CNTNAP5: variants seen among roughly 807,000 people sequenced by gnomAD.
CNTNAP5 encodes contactin associated protein family member 5, also known as contactin-associated protein-like 5.
A neutral mutation model predicts 150.2 loss-of-function variants in CNTNAP5; 72 were observed. The ratio of observed to expected loss-of-function variants is 0.48; its 90% CI spans 0.40 to 0.58. CNTNAP5 has a LOEUF of 0.58. CNTNAP5 is among the 20% of genes least tolerant of loss of function. The probability of loss-of-function intolerance (pLI) is 0.00; values close to 1 mark genes in which losing one functional copy is unlikely to be tolerated. For missense variants in CNTNAP5, 1,636 were observed against 1,626.2 expected (o/e 1.01, Z -0.10); for synonymous variants, 672 against 619.8 (o/e 1.08, Z -1.25).
chr2:124,554,848 A>G (rs1401316669), intron 10 of CNTNAP5, among the ~76,000 whole-genome samples: 2 of 152,240 alleles, frequency 1.3e-5, no homozygotes, highest in African/African-American at 4.8e-5. Context: ...TACAAGAGAC[A>G]CAAACTAGAG....
chr2:124,684,312 G>A (rs1002580343), intron 13 of CNTNAP5, among the ~76,000 whole-genome samples: 1 of 152,182 alleles, frequency 6.6e-6, no homozygotes, highest in African/African-American at 2.4e-5. Context: ...CCAGAGCTAG[G>A]AATCATGCTT....
At chr2:124,485,712 C>T (rs961596992) in intron 7 of CNTNAP5, among the ~76,000 whole-genome samples, 7 of 151,726 alleles carry the variant, frequency 4.6e-5, no homozygotes, top group African/African-American at 1.5e-4. Flanking sequence ...GTCCCAGCTT[C>T]CTGCAGAAGC....
intron 7 of CNTNAP5, among the ~76,000 whole-genome samples, chr2:124,500,792 A>G (rs1211729893): frequency 2.0e-5 from 3 of 152,136 alleles, no homozygotes; most frequent in Non-Finnish European, 4.4e-5. Flanking sequence ...AGGGGCATGT[A>G]TGACAGTGAA....
At chr2:124,496,132 A>G (rs887885167) in intron 7 of CNTNAP5, among the ~76,000 whole-genome samples, 2 of 151,934 alleles carry the variant, frequency 1.3e-5, no homozygotes, top group Admixed American at 1.3e-4. Context: ...GAGAACTGCT[A>G]AATAGAGAAC....
At chr2:124,152,292 C>G (rs1456364938) in intron 1 of CNTNAP5, among the ~76,000 whole-genome samples, 4 of 152,176 alleles carry the variant, frequency 2.6e-5, no homozygotes, top group African/African-American at 9.7e-5. Context: ...TAAATGCATA[C>G]TATATGCTAG....
chr2:124,428,977 C>T (rs532824575), intron 4 of CNTNAP5, among the ~76,000 whole-genome samples: 27 of 152,112 alleles, frequency 1.8e-4, no homozygotes, highest in African/African-American at 6.5e-4. Flanking sequence ...TTCTTTTTTT[C>T]CTTTTAAAAG....
intron 1 of CNTNAP5, among the ~76,000 whole-genome samples, chr2:124,179,411 T>C (rs62163927): frequency 0.22 from 34,085 of 152,008 alleles, 4,083 homozygotes; most frequent in African/African-American, 0.3. Context: ...CTGCCCGCCT[T>C]GACCTCTTAA....
chr2:124,194,055 C>G (rs1405818581), intron 1 of CNTNAP5, among the ~76,000 whole-genome samples: 1 of 152,086 alleles, frequency 6.6e-6, no homozygotes, highest in Non-Finnish European at 1.5e-5. Context: ...GTTCGCTGCA[C>G]ACAGCTCTGA....
Position 124,914,590 on chromosome 2 carries a change from C to T in CNTNAP5, c.*302C>T, listed in dbSNP as rs1438338847. The T allele has an allele frequency of 8.2e-6, 2 of 243,200 alleles. No individual in the cohort carries two copies. Among genetic ancestry groups the T allele is most frequent in the East Asian group, 9.1e-5 (1 of 10,948 alleles). The allele number at this position is 243,200 out of a possible 1,614,324, so 15.1% of individuals were successfully genotyped here. On this transcript the variant is annotated 3_prime_UTR_variant, in exon 24 of 24. Transcript: ENST00000682447. ...GCACTCCTGCATGTTCAGTTCTGTA[C>T]TTCCAGTTTCTAAAATGCACTGTTC...
Position 124,531,082 on chromosome 2 carries a change from G to A in CNTNAP5, c.1649+3626G>A, listed in dbSNP as rs114182507. ...CCATAATGCAAAGTCAGTGGGAGCC[G>A]TGAGCTTGTTTTCCTGCAACTAGAT... On this transcript the variant is annotated intron_variant, in intron 10 of 23. Coordinates refer to ENST00000682447, the MANE Select transcript of CNTNAP5 (RefSeq NM_001367498.1). Among the ~76,000 whole-genome samples the A allele has an allele frequency of 3.9e-3, 597 of 152,006 alleles. 3 individuals are homozygous for A. Among genetic ancestry groups the A allele is most frequent in the African/African-American group, 0.014 (565 of 41,442 alleles).
At chr2:124,293,791 G>A (rs1001912458) in intron 3 of CNTNAP5, among the ~76,000 whole-genome samples, 4 of 151,708 alleles carry the variant, frequency 2.6e-5, no homozygotes, top group South Asian at 4.2e-4. Flanking sequence ...TAAAACACCC[G>A]AGGACAGCAA....
chr2:124,282,566 T>C (rs1488433095), intron 3 of CNTNAP5, among the ~76,000 whole-genome samples: 1 of 152,100 alleles, frequency 6.6e-6, no homozygotes, highest in Non-Finnish European at 1.5e-5. Context: ...TTTATTAATG[T>C]ATGTAGTTTA....
chr2:124,460,196 A>G (rs1165712668), intron 6 of CNTNAP5, among the ~76,000 whole-genome samples: 1 of 152,234 alleles, frequency 6.6e-6, no homozygotes, highest in African/African-American at 2.4e-5. Flanking sequence ...ATATAGGCAT[A>G]GAAATTTCTG....
intron 5 of CNTNAP5, among the ~76,000 whole-genome samples, chr2:124,441,425 C>T (rs780948416): frequency 1.6e-4 from 24 of 151,670 alleles, no homozygotes; most frequent in African/African-American, 2.7e-4. Flanking sequence ...CAGTTTTATC[C>T]GCACATAGTG....
intron 2 of CNTNAP5, among the ~76,000 whole-genome samples, chr2:124,228,373 C>T (rs991781972): frequency 6.6e-6 from 1 of 152,052 alleles, no homozygotes; most frequent in Admixed American, 6.6e-5. Context: ...CCATAAACAC[C>T]CTCACAGATA....
At chr2:124,626,516 G>GTGCTACCTGCCAAGGGTACTA (rs1263418915) in intron 12 of CNTNAP5, among the ~76,000 whole-genome samples, 3 of 152,120 alleles carry the variant, frequency 2.0e-5, no homozygotes, top group African/African-American at 7.2e-5. Context: ...GTGAGGGACT[G>GTGCTACCTGCCAAGGGTACTA]TGCTACCTGC....
In CNTNAP5 at chr2:124,233,625, T is replaced by A. The variant is rs535446837; in HGVS notation, c.188-8575T>A. ...GAGAATAATCAACCATGTCTATAAA[T>A]CTTCATTCTATCCCTTTCTCTCTCC... On this transcript the variant is annotated intron_variant, in intron 2 of 23. Transcript: ENST00000682447. Among the ~76,000 whole-genome samples, 4 of 152,156 alleles carry A rather than the reference T, an allele frequency of 2.6e-5. No homozygotes were observed. In the East Asian group the frequency reaches 7.8e-4, roughly 29 times the overall value.
chr2:124,429,215 G>C (rs115399366), intron 4 of CNTNAP5, among the ~76,000 whole-genome samples: 1 of 152,244 alleles, frequency 6.6e-6, no homozygotes, highest in East Asian at 1.9e-4. Flanking sequence ...GAAGTTGGGA[G>C]TGCTGAGTAT....
chr2:124,199,606 G>A (rs560040891), intron 1 of CNTNAP5, among the ~76,000 whole-genome samples: 2 of 151,732 alleles, frequency 1.3e-5, no homozygotes, highest in South Asian at 4.2e-4. Flanking sequence ...GTAGAGACGG[G>A]GTTTCTCCAT....
Sources: gnomAD v4.1 joint callset for allele counts (sites outside exome capture counted in the v4.1 genomes callset) on GRCh38, gnomAD v4.1.1 for gene constraint, MANE v1.5 for transcripts, NCBI Gene and HGNC (gene_info 2026-07-23, HGNC 2026-07-21) for gene names.